Variants in ANKRD44 observed in about 807,000 individuals in gnomAD.
ANKRD44 encodes the protein ankyrin repeat domain 44, also known as serine/threonine-protein phosphatase 6 regulatory ankyrin repeat subunit B.
In ANKRD44, 35 loss-of-function variants were observed where a neutral mutation model predicts 116.0. The observed-to-expected ratio is 0.30, with a 90% confidence interval of 0.23 to 0.40. ANKRD44 has a LOEUF of 0.40. ANKRD44 is among the 10% of genes least tolerant of loss of function. The pLI is 1.00. For synonymous variants in ANKRD44, 435 were observed against 461.8 expected (o/e 0.94, Z 0.74); for missense variants, 1,014 against 1,242.6 (o/e 0.82, Z 2.77).
chr2:197,020,766 A>C (rs746573099), intron 17 of ANKRD44, among the ~76,000 whole-genome samples: 6 of 151,886 alleles, frequency 4.0e-5, no homozygotes, highest in African/African-American at 7.3e-5. Context: ...ATTAGGTAAC[A>C]ATTATTTCTT....
chr2:197,027,145 G>C (rs2076610849), intron 16 of ANKRD44, among the ~76,000 whole-genome samples: 1 of 152,164 alleles, frequency 6.6e-6, no homozygotes, highest in South Asian at 2.1e-4. Context: ...AAGATCACTT[G>C]AGCTCAGGAG....
At chr2:197,105,986 T>C (rs2125252131) in intron 9 of ANKRD44, among the ~76,000 whole-genome samples, 1 of 152,222 alleles carries the variant, frequency 6.6e-6, no homozygotes, top group African/African-American at 2.4e-5. Context: ...TCTTAAAAAG[T>C]GTTAGAGCCT....
chr2:197,240,374 C>CAAAA (rs5837533), intron 1 of ANKRD44, among the ~76,000 whole-genome samples: 8 of 96,630 alleles, frequency 8.3e-5, no homozygotes, highest in African/African-American at 2.8e-4. Context: ...GGCTCCAGCT[C>CAAAA]AAAAAAAAAA....
chr2:197,301,848 G>GT (rs766971867), intron 1 of ANKRD44, among the ~76,000 whole-genome samples: 3 of 152,342 alleles, frequency 2.0e-5, no homozygotes, highest in Non-Finnish European at 2.9e-5. Context: ...TTAGCCACAT[G>GT]TAAGTTTTGG....
rs1318550760 is a variant in ANKRD44 at position 197,248,576 on chromosome 2, G to GTATATATATATATATATATA, written c.28-61471_28-61470insTATATATATATATATATATA. ...TATATGTGTGTGTGTGTGTGTGTGTGTGTATATATATATATAAAGAGAGAG... is the reference window on the plus strand; with the variant it reads ...TATATGTGTGTGTGTGTGTGTGTGTGTATATATATATATATATATATGTATATATATATATAAAGAGAGAG... On this transcript the variant is annotated intron_variant, in intron 1 of 27. Coordinates refer to ENST00000282272, the MANE Select transcript of ANKRD44 (RefSeq NM_001195144.2). Among the ~76,000 whole-genome samples the GTATATATATATATATATATA allele has an allele frequency of 3.6e-4, 40 of 110,520 alleles. 1 individual carries two copies. The highest frequency in any genetic ancestry group is 1.2e-3 in the African/African-American group (39 of 32,884). The allele number at this position is 110,520 out of a possible 152,430, so 72.5% of individuals were successfully genotyped here.
Position 197,310,714 on chromosome 2 carries a change from C to T in ANKRD44, c.-110G>A, listed in dbSNP as rs1451964763. 10 of 1,156,368 alleles carry T rather than the reference C, an allele frequency of 8.6e-6. No individual in the cohort carries two copies. Among genetic ancestry groups the T allele is most frequent in the Non-Finnish European group, 1.1e-5 (10 of 893,818 alleles). 71.6% of individuals were successfully genotyped at this position (1,156,368 alleles called of 1,614,324 possible). A position where few individuals can be genotyped will look rare whatever the true frequency, so the allele number is the denominator to read the frequency against. Reference sequence around the variant, plus strand: ...CAGGAGAAGGGAAAAAATCTGGCTCCCGAATTTGACAGCCCTCCCCCTGCT... The same window carrying T: ...CAGGAGAAGGGAAAAAATCTGGCTCTCGAATTTGACAGCCCTCCCCCTGCT... On this transcript the variant is annotated 5_prime_UTR_variant, in exon 1 of 28. Coordinates refer to ENST00000282272, the MANE Select transcript of ANKRD44 (RefSeq NM_001195144.2).
At chr2:197,253,754 G>C (rs1286637763) in intron 1 of ANKRD44, among the ~76,000 whole-genome samples, 1 of 152,144 alleles carries the variant, frequency 6.6e-6, no homozygotes, top group Non-Finnish European at 1.5e-5. Context: ...AGTTAGTTTT[G>C]TCTTCTTTCT....
chr2:197,067,062 C>A (rs1193277324), intron 16 of ANKRD44, among the ~76,000 whole-genome samples: 1 of 152,192 alleles, frequency 6.6e-6, no homozygotes, highest in South Asian at 2.1e-4. Flanking sequence ...ACCAAAACAG[C>A]ATGGTACTGG....
At chr2:197,065,523 G>C (rs779172995) in intron 16 of ANKRD44, among the ~76,000 whole-genome samples, 1 of 152,052 alleles carries the variant, frequency 6.6e-6, no homozygotes, top group Non-Finnish European at 1.5e-5. Flanking sequence ...CTGGTTTTTT[G>C]AAAAGATAAC....
intron 1 of ANKRD44, among the ~76,000 whole-genome samples, chr2:197,232,405 T>C (rs2081886217): frequency 6.6e-6 from 1 of 152,216 alleles, no homozygotes; most frequent in Non-Finnish European, 1.5e-5. Flanking sequence ...CTTAATGTCA[T>C]GTCTAAAATA....
chr2:197,147,071 G>A lies in ANKRD44; in HGVS notation c.146C>T (p.Ala49Val). Residue 49 changes from alanine (A) to valine (V), a missense_variant, in exon 3 of 28, where the codon GCA becomes GTA. Transcript: ENST00000282272. ...SEKRTPLHVAAFLGDAEIIEL... is the reference protein window; with the variant it reads ...SEKRTPLHVAVFLGDAEIIEL... ...AATGATCTCTGCATCTCCCAGAAAT[G>A]CGGCCACATGAAGAGGGGTTCGTTT... 2 of 1,613,840 alleles carry A rather than the reference G, an allele frequency of 1.2e-6. No homozygotes were observed. The highest frequency in any genetic ancestry group is 1.1e-5 in the South Asian group (1 of 91,082).
intron 1 of ANKRD44, among the ~76,000 whole-genome samples, chr2:197,230,415 G>A (rs188703614): frequency 1.2e-4 from 19 of 152,088 alleles, no homozygotes; most frequent in Non-Finnish European, 2.2e-4. Context: ...GATGAAAGGA[G>A]ATTCAAACAC....
intron 21 of ANKRD44, among the ~76,000 whole-genome samples, chr2:197,004,731 C>T (rs902227452): frequency 2.6e-5 from 4 of 151,988 alleles, no homozygotes; most frequent in African/African-American, 9.7e-5. Context: ...TTAAAAAATA[C>T]ACAAACCCCC....
At position 197,201,154 on chromosome 2, in the gene ANKRD44, T is replaced by C. The variant is rs1277299001; in HGVS notation, c.28-14048A>G. Among the ~76,000 whole-genome samples the C allele has an allele frequency of 6.6e-6, 1 of 152,200 alleles. No homozygotes were observed. Among genetic ancestry groups the C allele is most frequent in the African/African-American group, 2.4e-5 (1 of 41,442 alleles). On this transcript the variant is annotated intron_variant, in intron 1 of 27. Coordinates refer to ENST00000282272, the MANE Select transcript of ANKRD44 (RefSeq NM_001195144.2). This position sits in a 1 kb window ranked among gnomAD's most constrained non-coding sequence, Gnocchi z 4.0. ...ACAGAGAAGTCTATGATTCTCTCTT[T>C]TTCATTACCCATCCCAGTTTAAAAT...
At chr2:197,200,427 G>T (rs934984899) in intron 1 of ANKRD44, among the ~76,000 whole-genome samples, 1 of 152,104 alleles carries the variant, frequency 6.6e-6, no homozygotes, top group African/African-American at 2.4e-5. Context: ...ATATGCTCAG[G>T]AGAATGTCCT....
intron 2 of ANKRD44, among the ~76,000 whole-genome samples, chr2:197,179,692 G>C (rs1012030964): frequency 1.3e-5 from 2 of 152,130 alleles, no homozygotes; most frequent in African/African-American, 4.8e-5. Context: ...TCTTTTGGAG[G>C]CTGGGTGTCT....
At chr2:197,105,261 A>G (rs1394363553) in intron 9 of ANKRD44, among the ~76,000 whole-genome samples, 2 of 152,040 alleles carry the variant, frequency 1.3e-5, no homozygotes, top group Non-Finnish European at 2.9e-5. Flanking sequence ...TTATAAGCAC[A>G]TGCCATCATG....
chr2:197,006,402 G>A (rs12999583), intron 20 of ANKRD44, among the ~76,000 whole-genome samples: 161 of 152,236 alleles, frequency 1.1e-3, no homozygotes, highest in Middle Eastern at 3.4e-3. Flanking sequence ...CCCACATTGC[G>A]CCACTGCACT....
chr2:197,264,841 G>C (rs1217478272), intron 1 of ANKRD44, among the ~76,000 whole-genome samples: 1 of 152,108 alleles, frequency 6.6e-6, no homozygotes, highest in African/African-American at 2.4e-5. Flanking sequence ...CTATATCCCT[G>C]ACAAAATGGA....
Sources: allele counts gnomAD v4.1 joint callset (sites outside exome capture counted in the v4.1 genomes callset), GRCh38; gene constraint gnomAD v4.1.1; non-coding constraint Gnocchi (gnomAD v3.1); transcripts MANE v1.5; gene names NCBI Gene and HGNC (gene_info 2026-07-23, HGNC 2026-07-21).